AGRN: variants seen among roughly 807,000 people sequenced by gnomAD.
AGRN encodes the protein agrin.
Under a neutral mutation model 211.0 loss-of-function variants are expected in AGRN, and 106 were observed. That is an observed-to-expected ratio of 0.50 (90% CI 0.43 to 0.59). The LOEUF is 0.59. AGRN is among the 20% of genes least tolerant of loss of function. AGRN has a pLI of 0.00. For synonymous variants in AGRN, 1,525 were observed against 1,332.5 expected (o/e 1.14, Z -3.15); for missense variants, 3,040 against 2,982.6 (o/e 1.02, Z -0.45).
Position 1,054,077 on chromosome 1 carries a change from A to G in AGRN, c.5876+100A>G, listed in dbSNP as rs998671696. 23 of 1,318,976 alleles carry G rather than the reference A, an allele frequency of 1.7e-5. No homozygotes were observed. In the Admixed American group the frequency reaches 3.0e-4, roughly 17 times the overall value. The allele number at this position is 1,318,976 out of a possible 1,614,324, so 81.7% of individuals were successfully genotyped here. On this transcript the variant is annotated intron_variant, in intron 34 of 35. Coordinates refer to ENST00000379370, the MANE Select transcript of AGRN (RefSeq NM_198576.4). ...CACTTGTGACCAGGGGTCAGGGAGGACACGCCTTGCTGCCTGAGCCGAGGT... is the reference window on the plus strand; with the variant it reads ...CACTTGTGACCAGGGGTCAGGGAGGGCACGCCTTGCTGCCTGAGCCGAGGT...
chr1:1,045,095 A>C, intron 12 of AGRN, 66 bp from the exon 13 acceptor site: 1 of 1,537,250 alleles, frequency 6.5e-7, no homozygotes, highest in East Asian at 2.2e-5. Context: ...GTGGAGGCAG[A>C]CTGGCTGGGT....
rs776701106 is a variant in AGRN at position 1,049,812 on chromosome 1, G to T, written c.4744+17G>T. 3 of 1,606,312 alleles carry T rather than the reference G, an allele frequency of 1.9e-6. No homozygotes were observed. The highest frequency in any genetic ancestry group is 4.5e-5 in the East Asian group (2 of 44,608). On this transcript the variant is annotated intron_variant, in intron 26 of 35. Transcript: ENST00000379370. ...GCCGCGTCGGTGAGGGTGGGGCCGG[G>T]GCGGGTGGGAGTGGGACCCCGGGGC...
Position 1,054,477 on chromosome 1 carries a change from G to T in AGRN, c.5906G>T (p.Gly1969Val). Residue 1969 changes from glycine (G) to valine (V), a missense_variant, in exon 35 of 36, where the codon GGC (glycine) becomes GTC (valine). By Grantham distance (109) the Gly-to-Val change is moderately radical (BLOSUM62 -3). This residue lies in a region of AGRN where 1,537 missense variants were observed against 1,505.0 expected (regional missense o/e 1.02). Transcript: ENST00000379370. ...CAGAGGGAAGGTTCCCTGCAGGTGG[G>T]CAATGAGGCCCCTGTGACCGGCTCC... Reference protein sequence around the residue: ...REQREGSLQVGNEAPVTGSSP... With the variant: ...REQREGSLQVVNEAPVTGSSP... 6.3e-7 allele frequency: 1 copy of T among 1,599,458 alleles called. No homozygotes were observed. The highest frequency in any genetic ancestry group is 8.5e-7 in the Non-Finnish European group (1 of 1,173,626).
At chr1:1,052,282 G>A (rs1390309734) in intron 33 of AGRN, 12 of 355,674 alleles carry the variant, frequency 3.4e-5, no homozygotes, top group African/African-American at 1.5e-4. Flanking sequence ...GTCTGTGTCC[G>A]TGTGCACTTC....
intron 1 of AGRN, among the ~76,000 whole-genome samples, 166 bp downstream of exon 1, chr1:1,020,539 G>C (rs1307388687): frequency 2.0e-5 from 3 of 152,082 alleles, no homozygotes; most frequent in African/African-American, 7.2e-5. Flanking sequence ...CGGGAAACTC[G>C]CGGGCGCCGG....
At chr1:1,025,829 C>T (rs979041946) in intron 2 of AGRN, among the ~76,000 whole-genome samples, 10 of 152,062 alleles carry the variant, frequency 6.6e-5, no homozygotes, top group Non-Finnish European at 1.3e-4. Context: ...TCTGTTTCTC[C>T]TGGAGCTGGG....
chr1:1,035,310 C>G lies in AGRN; in HGVS notation c.497C>G (p.Pro166Arg). The change falls in exon 3 of 36, where the codon CCG becomes CGG. Residue 166 changes from proline (P) to arginine (R), a missense_variant. Physicochemically the swap from Pro to Arg is moderately radical, Grantham distance 103. This residue lies in a region of AGRN where 1,498 missense variants were observed against 1,457.8 expected (regional missense o/e 1.03). Transcript: ENST00000379370. Reference sequence around the variant, plus strand: ...GGGACCCACTTCACTCCAGTGCCTCCGACGCCTCCTGATGGTGAGTAGGGC... The same window carrying G: ...GGGACCCACTTCACTCCAGTGCCTCGGACGCCTCCTGATGGTGAGTAGGGC... ...KPGTHFTPVP[P>R]TPPDACRGML... 6.2e-7 allele frequency: 1 copy of G among 1,613,124 alleles called. No homozygotes were observed. Among genetic ancestry groups the G allele is most frequent in the Admixed American group, 1.7e-5 (1 of 60,026 alleles).
chr1:1,023,724 G>A (rs538473605), intron 2 of AGRN, among the ~76,000 whole-genome samples: 1 of 152,328 alleles, frequency 6.6e-6, no homozygotes, highest in East Asian at 1.9e-4. Flanking sequence ...TAGGGTCAGA[G>A]GGCACATGGC....
At position 1,051,440 on chromosome 1, in the gene AGRN, C is replaced by T. The variant is rs1193999665; in HGVS notation, c.5371-13C>T. ...GGTGGCAGGCGGGACAAGGCCCTCA[C>T]CCTGCCCTGCAGGTCTCCCTCGGAG... On this transcript the variant is annotated splice_polypyrimidine_tract_variant and intron_variant, in intron 31 of 35. Transcript: ENST00000379370. 1 of 1,548,704 alleles carries T rather than the reference C, an allele frequency of 6.5e-7. No homozygotes were observed. Among genetic ancestry groups the T allele is most frequent in the Non-Finnish European group, 8.7e-7 (1 of 1,151,878 alleles).
Position 1,049,114 on chromosome 1 carries a change from GC to G in AGRN, c.4298+56del, listed in dbSNP as rs558237106. The G allele has an allele frequency of 0.49, 337,870 of 693,166 alleles. 96,220 individuals carry two copies. Among genetic ancestry groups the G allele is most frequent in the East Asian group, 0.73 (22,364 of 30,750 alleles). 42.9% of individuals were successfully genotyped at this position (693,166 alleles called of 1,614,324 possible). On this transcript the variant is annotated intron_variant, in intron 24 of 35. Coordinates refer to ENST00000379370, the MANE Select transcript of AGRN (RefSeq NM_198576.4). ...GCTCAGGTGGGCGGGGAGGGGACGG[GC>G]GGGGGAGGGGGGGCCGGGGCAGCTC...
In AGRN at chr1:1,045,759, G is replaced by C. The variant is rs200684031; in HGVS notation, c.2563G>C (p.Val855Leu). ...TPCSCDPQGA[V>L]RDDCEQMTGL... ...CTGCAGCTGTGATCCCCAAGGCGCC[G>C]TGCGGGATGACTGTGAGCAGATGAC... is the stretch of plus-strand genomic sequence containing the variant. Residue 855 changes from valine to leucine, a missense_variant, in exon 15 of 36, where the codon GTG becomes CTG. Coordinates refer to ENST00000379370, the MANE Select transcript of AGRN (RefSeq NM_198576.4). The C allele has an allele frequency of 1.2e-6, 2 of 1,613,308 alleles. No individual in the cohort carries two copies. The highest frequency in any genetic ancestry group is 1.7e-6 in the Non-Finnish European group (2 of 1,179,976).
At chr1:1,052,857 ATGTG>A (rs1490716902) in intron 33 of AGRN, 3 of 150,526 alleles carry the variant, frequency 2.0e-5, no homozygotes, top group East Asian at 4.2e-4. Flanking sequence ...GGGTCCATGT[ATGTG>A]TGTGTATATG....
chr1:1,020,458 G>C (rs1268606538), intron 1 of AGRN, 85 bp downstream of exon 1: 2 of 1,331,118 alleles, frequency 1.5e-6, no homozygotes, highest in Non-Finnish European at 2.0e-6. Context: ...AACCAGCCCC[G>C]GTCGCTCCGC....
In AGRN at chr1:1,022,594, C is replaced by CTGACTGTGGTG; in HGVS notation, c.463+132_463+133insTGACTGTGGTG. 3 of 772,504 alleles carry CTGACTGTGGTG rather than the reference C, an allele frequency of 3.9e-6. No homozygotes were observed. The Admixed American group carries it at 8.7e-5, about 23-fold the overall frequency. The allele number at this position is 772,504 out of a possible 1,614,324, so 47.9% of individuals were successfully genotyped here. A position where few individuals can be genotyped will look rare whatever the true frequency, so the allele number is the denominator to read the frequency against. On this transcript the variant is annotated intron_variant, in intron 2 of 35. Coordinates refer to ENST00000379370, the MANE Select transcript of AGRN (RefSeq NM_198576.4). Reference sequence around the variant, plus strand: ...GCTGCAGCACACGGTGTCTTGTGGTCCAACCTCATTCTCTGCTTCTCCGTC... The same window carrying CTGACTGTGGTG: ...GCTGCAGCACACGGTGTCTTGTGGTCTGACTGTGGTGCAACCTCATTCTCTGCTTCTCCGTC...
intron 35 of AGRN, 66 bp from the exon 36 acceptor site, chr1:1,054,755 CCTG>C (rs1394059464): frequency 3.9e-6 from 6 of 1,530,874 alleles, no homozygotes; most frequent in Non-Finnish European, 5.3e-6. Flanking sequence ...CTGCTGGTCA[CCTG>C]CTCGTTGGGG....
At chr1:1,049,845 C>T (rs749367873) in intron 26 of AGRN, 50 bp downstream of exon 26, 19 of 1,610,772 alleles carry the variant, frequency 1.2e-5, no homozygotes, top group Admixed American at 1.2e-4. Flanking sequence ...GGCCTGTGGG[C>T]GGTACCCAAC....
chr1:1,038,544 C>T (rs925839259), intron 3 of AGRN, among the ~76,000 whole-genome samples: 8 of 152,232 alleles, frequency 5.3e-5, no homozygotes, highest in African/African-American at 1.7e-4. Flanking sequence ...GAGGGAGCTG[C>T]GGGTCCTGGT....
At position 1,046,527 on chromosome 1, in the gene AGRN, C is replaced by T. The variant is rs1281421646; in HGVS notation, c.3042C>T (p.Ser1014=). 6.2e-7 allele frequency: 1 copy of T among 1,610,296 alleles called. No homozygotes were observed. Among genetic ancestry groups the T allele is most frequent in the Non-Finnish European group, 8.5e-7 (1 of 1,178,654 alleles). The part of the protein sequence containing the change: ...LPLAPSSTAH[S]QTTPPPSSRP... The stretch of plus-strand genomic sequence containing the variant: ...TGGCTCCCAGCAGTACCGCACACAG[C>T]CAGACCACCCCTCCGCCCTCATCAC... The change falls in exon 18 of 36, where the codon AGC becomes AGT. Residue 1014 remains serine (S), a synonymous_variant. Transcript: ENST00000379370.
intron 2 of AGRN, among the ~76,000 whole-genome samples, chr1:1,026,221 C>T (rs1334796492): frequency 6.6e-6 from 1 of 152,182 alleles, no homozygotes; most frequent in East Asian, 1.9e-4. Context: ...ACTGGGCTCG[C>T]TCCCGCTTGT....
Sources: gnomAD v4.1 joint callset for allele counts (sites outside exome capture counted in the v4.1 genomes callset) on GRCh38, gnomAD v4.1.1 for gene constraint, gnomAD v4.1.1 regional missense constraint, MANE v1.5 for transcripts, NCBI Gene and HGNC (gene_info 2026-07-23, HGNC 2026-07-21) for gene names.